The following RADX variants were observed in gnomAD, a reference collection of about 807,000 sequenced individuals.
The protein encoded by RADX is RPA-related protein RADX.
A neutral mutation model predicts 61.6 loss-of-function variants in RADX; 36 were observed. The observed-to-expected ratio is 0.58, with a 90% CI of 0.45 to 0.77. The LOEUF is 0.77. RADX is among the 30% of genes least tolerant of loss of function. RADX has a pLI of 0.00. For synonymous variants in RADX, 272 were observed against 237.9 expected, an observed-to-expected ratio of 1.14 and a Z score of -1.32; for missense variants, 497 against 651.1, an observed-to-expected ratio of 0.76 and a Z score of 2.58.
In RADX at chrX:106,637,760, G is replaced by A; in HGVS notation, c.1409G>A (p.Gly470Asp). ...TATGATTTACCCTTCCCGCGAGGAG[G>A]TCATAGAGGCCAGCCGTATACGTAT... Reference protein sequence around the residue: ...TTNESGVFITGHRGQPYTYDA... With the variant: ...TTNESGVFITDHRGQPYTYDA... The change falls in exon 8 of 14, where the codon GGT (glycine) becomes GAT (aspartate). Residue 470 changes from glycine to aspartate, a missense_variant and splice_region_variant. Coordinates refer to ENST00000372548, the MANE Select transcript of RADX (RefSeq NM_018015.6). 2 of 1,167,793 alleles carry A rather than the reference G, an allele frequency of 1.7e-6. No homozygotes were observed. Among genetic ancestry groups the A allele is most frequent in the Non-Finnish European group, 2.3e-6 (2 of 872,675 alleles).
chrX:106,627,449 C>T (rs1179650971), intron 3 of RADX, among the ~76,000 whole-genome samples: 4 of 99,077 alleles, frequency 4.0e-5, no homozygotes, highest in Non-Finnish European at 5.7e-5. Context: ...ATCACCTTAC[C>T]AAATTGTCAC....
In RADX at chrX:106,612,723, GGTAA is replaced by G; in HGVS notation, c.643+3_643+6del. ...GCAACCTGAGGAACACAACTTTAGCGGTAAGTGTTTGGAAAGAACGGCAGAGGGT... is the reference window on the plus strand; with the variant it reads ...GCAACCTGAGGAACACAACTTTAGCGGTGTTTGGAAAGAACGGCAGAGGGT... On this transcript the variant is annotated splice_donor_variant and splice_donor_region_variant and intron_variant, in intron 1 of 13. Transcript: ENST00000372548. LOFTEE classifies it high-confidence loss of function. 1 of 1,183,920 alleles carries G rather than the reference GGTAA, an allele frequency of 8.4e-7. No individual in the cohort carries two copies.
At chrX:106,666,718 C>T (rs148262130) in intron 12 of RADX, among the ~76,000 whole-genome samples, 1,316 of 111,426 alleles carry the variant, frequency 0.012, 20 homozygotes, top group African/African-American at 0.04. Context: ...ATGCATTTTA[C>T]GGTAAAGGAA....
At chrX:106,652,997 A>G (rs908677737) in intron 11 of RADX, among the ~76,000 whole-genome samples, 6 of 107,890 alleles carry the variant, frequency 5.6e-5, no homozygotes, top group African/African-American at 2.0e-4. Flanking sequence ...AAAAAAAAAA[A>G]AAAACCTGTA....
intron 13 of RADX, among the ~76,000 whole-genome samples, chrX:106,676,184 A>C (rs1182989728): frequency 8.9e-6 from 1 of 112,078 alleles, no homozygotes; most frequent in Non-Finnish European, 1.9e-5. Context: ...AGTCCACCCC[A>C]CTCAAGGCAA....
At chrX:106,645,445 G>A (rs952478568) in intron 10 of RADX, among the ~76,000 whole-genome samples, 1 of 110,224 alleles carries the variant, frequency 9.1e-6, no homozygotes, top group African/African-American at 3.3e-5. Flanking sequence ...GTTTTGTTAT[G>A]TTTTGTTTCT....
At position 106,636,750 on chromosome X, in the gene RADX, G is replaced by C. The variant is rs180770613; in HGVS notation, c.1408+103G>C. ...TATAATAACATTCAACTACAAGATA[G>C]CTTTATTTTGACTTCCTTTATTACT... On this transcript the variant is annotated intron_variant, in intron 7 of 13. Transcript: ENST00000372548. 12 of 397,623 alleles carry C rather than the reference G, an allele frequency of 3.0e-5. 1 individual carries two copies. The East Asian group carries it at 5.3e-4, about 18-fold the overall frequency. 32.8% of individuals were successfully genotyped at this position (397,623 alleles called of 1,213,427 possible). A position where few individuals can be genotyped will look rare whatever the true frequency, so the allele number is the denominator to read the frequency against.
At chrX:106,646,123 C>T (rs1358637021) in intron 10 of RADX, among the ~76,000 whole-genome samples, 1 of 111,011 alleles carries the variant, frequency 9.0e-6, no homozygotes, top group Non-Finnish European at 1.9e-5. Flanking sequence ...AAGATAGCTA[C>T]TCCTACGGTT....
chrX:106,672,021 T>A (rs775831698), intron 13 of RADX, among the ~76,000 whole-genome samples: 1 of 111,769 alleles, frequency 8.9e-6, no homozygotes, highest in African/African-American at 3.3e-5. Flanking sequence ...TAGCTGCTGG[T>A]TTTATGTCAT....
chrX:106,622,300 G>GT (rs1205076517), intron 1 of RADX, among the ~76,000 whole-genome samples: 42 of 105,620 alleles, frequency 4.0e-4, no homozygotes, highest in East Asian at 1.2e-3. Context: ...TGACATTGAG[G>GT]TTTTTTTTTT....
chrX:106,622,515 T>C (rs1276883131), intron 1 of RADX, 136 bp from the exon 2 acceptor site: 1 of 498,554 alleles, frequency 2.0e-6, no homozygotes, highest in Non-Finnish European at 3.3e-6. Flanking sequence ...GGTAATAGAC[T>C]TAGCTGGCAA....
chrX:106,661,337 C>T (rs765022253), intron 11 of RADX, among the ~76,000 whole-genome samples: 1 of 104,119 alleles, frequency 9.6e-6, no homozygotes, highest in South Asian at 4.3e-4. Context: ...TAAATGGCCC[C>T]TTTGTTTTTC....
intron 1 of RADX, among the ~76,000 whole-genome samples, chrX:106,618,386 A>G (rs1026945607): frequency 2.7e-5 from 3 of 111,564 alleles, no homozygotes; most frequent in African/African-American, 9.8e-5. Flanking sequence ...TTCCCAGTGT[A>G]TGATTCATTA....
chrX:106,661,902 T>C lies in RADX; in HGVS notation c.1979-113T>C, dbSNP rs1928107517. 3 of 616,742 alleles carry C rather than the reference T, an allele frequency of 4.9e-6. No individual in the cohort carries two copies. The African/African-American group carries it at 6.7e-5, about 14-fold the overall frequency. The allele number at this position is 616,742 out of a possible 1,213,427, so 50.8% of individuals were successfully genotyped here. On this transcript the variant is annotated intron_variant, in intron 11 of 13. Transcript: ENST00000372548. ...TATATTTTGTAGGTAGTGGTTTGAT[T>C]TTTAATGTTACTTAAACTCTTCCTC...
chrX:106,659,745 A>C (rs934495079), intron 11 of RADX, among the ~76,000 whole-genome samples: 7 of 111,225 alleles, frequency 6.3e-5, no homozygotes, highest in African/African-American at 2.3e-4. Context: ...TGTATTACTT[A>C]ATTATGAAGA....
intron 10 of RADX, among the ~76,000 whole-genome samples, chrX:106,646,264 T>G (rs759654861): frequency 5.4e-5 from 6 of 110,697 alleles, no homozygotes; most frequent in African/African-American, 2.0e-4. Context: ...ATAAGACTTT[T>G]GGGGCTGTTG....
chrX:106,669,163 G>C lies in RADX; in HGVS notation c.2270G>C (p.Gly757Ala). Residue 757 changes from glycine to alanine, a missense_variant and splice_region_variant, in exon 13 of 14, where the codon GGT becomes GCT. Around this residue, in one of 3 missense-constraint regions of RADX, gnomAD observed 267 missense variants for 306.9 expected, o/e 0.87. Coordinates refer to ENST00000372548, the MANE Select transcript of RADX (RefSeq NM_018015.6). The part of the protein sequence containing the change: ...SLGHFEVTIL[G>A]LNHEIAIDVA... ...ATAATGTGTGAACTTTCTTTAACAG[G>C]TCTGAACCATGAGATAGCAATCGAT... is the stretch of plus-strand genomic sequence containing the variant. 8.3e-7 allele frequency: 1 copy of C among 1,203,830 alleles called. No individual in the cohort carries two copies.
intron 11 of RADX, among the ~76,000 whole-genome samples, chrX:106,651,264 G>A (rs998113011): frequency 7.2e-5 from 8 of 110,708 alleles, no homozygotes; most frequent in East Asian, 5.7e-4. Context: ...AAAATTAGAC[G>A]GAAAAATTTC....
rs2147606566 is a variant in RADX, at chrX:106,612,568, C to G, written c.488C>G (p.Ser163Cys). 1 of 1,209,526 alleles carries G rather than the reference C, an allele frequency of 8.3e-7. No homozygotes were observed. Among genetic ancestry groups the G allele is most frequent in the African/African-American group, 1.8e-5 (1 of 57,031 alleles). Residue 163 changes from serine to cysteine, a missense_variant, in exon 1 of 14, where the codon TCT becomes TGT. Physicochemically the swap from Ser to Cys is moderately radical, Grantham distance 112 (BLOSUM62 -1). Coordinates refer to ENST00000372548, the MANE Select transcript of RADX (RefSeq NM_018015.6). ...TGTGGGGAGACTTCAGACAGTATTT[C>G]TTTAGAAACTCCCTTCAGAAATAGA... ...VHCGETSDSI[S>C]LETPFRNRAH...
Sources: allele counts gnomAD v4.1 joint callset (sites outside exome capture counted in the v4.1 genomes callset), GRCh38; gene constraint gnomAD v4.1.1; regional missense constraint gnomAD v4.1.1; transcripts MANE v1.5; gene names NCBI Gene and HGNC (gene_info 2026-07-23, HGNC 2026-07-21).